C8orf76: variants seen among roughly 807,000 people sequenced by gnomAD.
C8orf76 encodes the protein uncharacterized protein C8orf76.
C8orf76 carries 46 observed loss-of-function variants against 38.1 expected under a neutral mutation model. The ratio of observed to expected loss-of-function variants is 1.21; its 90% CI spans 0.95 to 1.54. The LOEUF (loss-of-function observed/expected upper bound fraction) is 1.54. Among genes scored for constraint, C8orf76 ranks in the 40% most tolerant of loss-of-function variants. The pLI, the probability that C8orf76 is intolerant of heterozygous loss-of-function variation, is 0.00. For synonymous variants in C8orf76, 166 were observed against 167.5 expected (o/e 0.99, Z 0.07); for missense variants, 461 against 441.6 (o/e 1.04, Z -0.39).
chr8:123,233,541 CCCA>C (rs1167754694), intron 3 of C8orf76, among the ~76,000 whole-genome samples: 1 of 151,628 alleles, frequency 6.6e-6, no homozygotes, highest in Non-Finnish European at 1.5e-5. Context: ...ACTACAGGTG[CCCA>C]CCACCACACC....
chr8:123,231,596 A>G lies in C8orf76; in HGVS notation c.519T>C (p.Ala173=). The part of the protein sequence containing the change: ...NPWNWGKLAE[A]YLNLGPALSA... ...AAAGAGCTGGCCCCAGATTCAGGTA[A>G]GCCTCTGCCAATTTGCCCCAGTTCC... The change falls in exon 4 of 6, where the codon GCT becomes GCC. Residue 173 remains alanine (A), a synonymous_variant. Transcript: ENST00000276704. 1 of 1,614,268 alleles carries G rather than the reference A, an allele frequency of 6.2e-7. No homozygotes were observed. The highest frequency in any genetic ancestry group is 1.1e-5 in the South Asian group (1 of 91,090).
chr8:123,229,540 T>C (rs1447743880), intron 4 of C8orf76, among the ~76,000 whole-genome samples: 3 of 152,222 alleles, frequency 2.0e-5, no homozygotes, highest in Non-Finnish European at 2.9e-5. Flanking sequence ...TTAGCACCTG[T>C]GCTGGCAGTT....
At chr8:123,221,174 A>G (rs568543272) in intron 5 of C8orf76, among the ~76,000 whole-genome samples, 61 of 152,348 alleles carry the variant, frequency 4.0e-4, no homozygotes, top group African/African-American at 1.4e-3. Flanking sequence ...CAAAGATTAC[A>G]TATTGTTTGA....
chr8:123,230,328 AG>A (rs1437282808), intron 4 of C8orf76, among the ~76,000 whole-genome samples: 2 of 152,244 alleles, frequency 1.3e-5, no homozygotes, highest in African/African-American at 4.8e-5. Context: ...CAAATACAAG[AG>A]CTAATTTTCT....
chr8:123,239,119 C>T lies in C8orf76; in HGVS notation c.143G>A (p.Ser48Asn), dbSNP rs976119344. The change falls in exon 2 of 6, where the codon AGT becomes AAT. Residue 48 changes from serine (S) to asparagine (N), a missense_variant. By Grantham distance (46) the Ser-to-Asn change is conservative (BLOSUM62 1). Coordinates refer to ENST00000276704, the MANE Select transcript of C8orf76 (RefSeq NM_032847.3). ...GAGAGTCAGCACTTCAACATCATCACTGCTTTCTGTTTCTTCATAAAACCA... is the reference window on the plus strand; with the variant it reads ...GAGAGTCAGCACTTCAACATCATCATTGCTTTCTGTTTCTTCATAAAACCA... ...PQWFYEETES[S>N]DDVEVLTLKK... The T allele has an allele frequency of 3.7e-6, 6 of 1,614,152 alleles. No individual in the cohort carries two copies. The highest frequency in any genetic ancestry group is 5.1e-6 in the Non-Finnish European group (6 of 1,180,014).
At chr8:123,237,467 C>T (rs1010345483) in intron 3 of C8orf76, among the ~76,000 whole-genome samples, 4 of 152,010 alleles carry the variant, frequency 2.6e-5, no homozygotes, top group African/African-American at 7.3e-5. Flanking sequence ...TGGAGAACAA[C>T]GTCTAAAAAC....
chr8:123,227,868 C>T (rs2131140042), intron 4 of C8orf76, among the ~76,000 whole-genome samples: 1 of 152,274 alleles, frequency 6.6e-6, no homozygotes, highest in African/African-American at 2.4e-5. Context: ...GTAAAATGAT[C>T]ATCTGTCTGC....
At chr8:123,234,077 A>C (rs548366861) in intron 3 of C8orf76, among the ~76,000 whole-genome samples, 1 of 152,154 alleles carries the variant, frequency 6.6e-6, no homozygotes, top group Non-Finnish European at 1.5e-5. Flanking sequence ...TTTCCAGAAT[A>C]CTGCAACTCT....
chr8:123,241,098 G>C, intron 1 of C8orf76, 132 bp downstream of exon 1: 1 of 896,482 alleles, frequency 1.1e-6, no homozygotes, highest in Non-Finnish European at 1.6e-6. Context: ...AGGGACGGCG[G>C]GGGACGCGGC....
At chr8:123,226,157 A>G (rs1563797261) in intron 5 of C8orf76, 1 of 1,086,156 alleles carries the variant, frequency 9.2e-7, no homozygotes, top group Non-Finnish European at 1.1e-6. Context: ...GTTATGATGA[A>G]TGGAGGAAAA....
At chr8:123,237,568 G>T (rs1825543592) in intron 3 of C8orf76, among the ~76,000 whole-genome samples, 1 of 152,148 alleles carries the variant, frequency 6.6e-6, no homozygotes, top group Non-Finnish European at 1.5e-5. Context: ...AGATTTTCAG[G>T]CAATACAGAA....
intron 4 of C8orf76, 106 bp downstream of exon 4, chr8:123,231,194 T>C (rs1335815917): frequency 1.4e-6 from 2 of 1,379,544 alleles, no homozygotes; most frequent in Non-Finnish European, 9.6e-7. Flanking sequence ...ATTTCAAAAA[T>C]ATATACCAAA....
Position 123,237,211 on chromosome 8 carries a change from G to A in C8orf76, c.357+587C>T. 3 of 645,558 alleles carry A rather than the reference G, an allele frequency of 4.6e-6. No homozygotes were observed. In the South Asian group the frequency reaches 5.1e-5, roughly 11 times the overall value. The allele number at this position is 645,558 out of a possible 1,614,324, so 40.0% of individuals were successfully genotyped here. A position where few individuals can be genotyped will look rare whatever the true frequency, so the allele number is the denominator to read the frequency against. ...CAACAACCTGTACCCCAAGACGAAGGACAAAGAAGGCTCTTCCTTCCCCAA... is the reference window on the plus strand; with the variant it reads ...CAACAACCTGTACCCCAAGACGAAGAACAAAGAAGGCTCTTCCTTCCCCAA... On this transcript the variant is annotated intron_variant, in intron 3 of 5. Coordinates refer to ENST00000276704, the MANE Select transcript of C8orf76 (RefSeq NM_032847.3).
chr8:123,231,800 C>T, intron 3 of C8orf76, 43 bp from the exon 4 acceptor site: 3 of 1,517,008 alleles, frequency 2.0e-6, no homozygotes, highest in Non-Finnish European at 2.6e-6. Flanking sequence ...AACTTCAAAG[C>T]ATTTTCCATA....
chr8:123,233,328 T>C (rs1825345868), intron 3 of C8orf76, among the ~76,000 whole-genome samples: 1 of 151,496 alleles, frequency 6.6e-6, no homozygotes, highest in Non-Finnish European at 1.5e-5. Flanking sequence ...CTCAAAAACA[T>C]TTTGATATTG....
At chr8:123,239,005 G>T in intron 2 of C8orf76, 44 bp downstream of exon 2, 1 of 1,588,706 alleles carries the variant, frequency 6.3e-7, no homozygotes, top group South Asian at 1.1e-5. Context: ...TGCCATAACT[G>T]ATAAAACAAG....
intron 5 of C8orf76, 131 bp from the exon 6 acceptor site, chr8:123,220,428 T>C: frequency 3.1e-6 from 2 of 642,374 alleles, no homozygotes; most frequent in Non-Finnish European, 5.1e-6. Flanking sequence ...TCCCAACACA[T>C]TGAAAAGATG....
At chr8:123,221,110 T>C (rs1007937944) in intron 5 of C8orf76, among the ~76,000 whole-genome samples, 6 of 152,226 alleles carry the variant, frequency 3.9e-5, no homozygotes, top group African/African-American at 1.4e-4. Flanking sequence ...ACTCAAATTA[T>C]AATGAATTAG....
chr8:123,241,079 T>C, intron 1 of C8orf76, 151 bp downstream of exon 1: 1 of 734,002 alleles, frequency 1.4e-6, no homozygotes, highest in Non-Finnish European at 2.0e-6. Flanking sequence ...CGCTTCCCCG[T>C]GGAGGAGGAG....
Sources: allele counts gnomAD v4.1 joint callset (sites outside exome capture counted in the v4.1 genomes callset), GRCh38; gene constraint gnomAD v4.1.1; transcripts MANE v1.5; gene names NCBI Gene and HGNC (gene_info 2026-07-23, HGNC 2026-07-21).